Variants in SLC24A3 observed in about 807,000 individuals in gnomAD.
SLC24A3 encodes the protein sodium/potassium/calcium exchanger 3.
SLC24A3 carries 28 observed loss-of-function variants against 75.8 expected under a neutral mutation model. The ratio of observed to expected loss-of-function variants is 0.37; its 90% CI spans 0.27 to 0.51. The LOEUF (loss-of-function observed/expected upper bound fraction) is 0.51, where lower values mean the gene tolerates loss of function less well. Ranked by LOEUF, SLC24A3 falls within the 20% of genes least tolerant of loss-of-function variation. The probability of loss-of-function intolerance (pLI) is 0.94; values close to 1 mark genes in which losing one functional copy is unlikely to be tolerated. For synonymous variants in SLC24A3, 372 were observed against 334.1 expected (o/e 1.11, Z -1.24); for missense variants, 663 against 847.8 (o/e 0.78, Z 2.71).
chr20:19,375,193 G>A (rs1986061783), intron 2 of SLC24A3, among the ~76,000 whole-genome samples: 1 of 152,086 alleles, frequency 6.6e-6, no homozygotes, highest in African/African-American at 2.4e-5. Flanking sequence ...CCAGATTCCT[G>A]GGCACCAAAT....
chr20:19,627,445 G>A (rs79307933), intron 6 of SLC24A3, among the ~76,000 whole-genome samples: 7,324 of 152,132 alleles, frequency 0.048, 601 homozygotes, highest in African/African-American at 0.17. Context: ...TTAACCTAAC[G>A]TGATTCTTGA....
At chr20:19,522,839 A>G (rs1264236400) in intron 3 of SLC24A3, among the ~76,000 whole-genome samples, 1 of 151,936 alleles carries the variant, frequency 6.6e-6, no homozygotes, top group African/African-American at 2.4e-5. Flanking sequence ...ATGGGGTATA[A>G]TGTGATGTTG....
Position 19,212,707 on chromosome 20 carries a change from G to T in SLC24A3, c.-136G>T. On this transcript the variant is annotated 5_prime_UTR_variant, in exon 1 of 17. The change creates a new upstream start codon in the 5' untranslated region. Coordinates refer to ENST00000328041, the MANE Select transcript of SLC24A3 (RefSeq NM_020689.4). ...GCGAGGAGGAGGAAGAGGAGGCGGA[G>T]GCGGCGGCCGGGTGGGAGCGCAGCG... 1 of 618,522 alleles carries T rather than the reference G, an allele frequency of 1.6e-6. No individual in the cohort carries two copies. Among genetic ancestry groups the T allele is most frequent in the Non-Finnish European group, 2.0e-6 (1 of 496,186 alleles). The allele number at this position is 618,522 out of a possible 1,614,324, so 38.3% of individuals were successfully genotyped here. A position where few individuals can be genotyped will look rare whatever the true frequency, so the allele number is the denominator to read the frequency against.
chr20:19,518,634 A>T (rs2030042118), intron 3 of SLC24A3, among the ~76,000 whole-genome samples: 1 of 152,218 alleles, frequency 6.6e-6, no homozygotes, highest in Non-Finnish European at 1.5e-5. Flanking sequence ...GAGTGAGAGA[A>T]TATGAGCGTG....
rs11481303 is a variant in SLC24A3, at chr20:19,693,218, A to ATT, written c.1325-32_1325-31dup. The ATT allele has an allele frequency of 8.0e-4, 1,166 of 1,461,130 alleles. 1 individual carries two copies. The highest frequency in any genetic ancestry group is 4.0e-3 in the African/African-American group (283 of 69,892). The allele number at this position is 1,461,130 out of a possible 1,614,324, so 90.5% of individuals were successfully genotyped here. ...ATAAAGCTAACTGGGGTTCTTTGTT[A>ATT]TTTTTTTTTTATTTCTTTTTGGCCT... On this transcript the variant is annotated intron_variant, in intron 12 of 16. Transcript: ENST00000328041.
intron 15 of SLC24A3, among the ~76,000 whole-genome samples, chr20:19,699,641 A>G (rs2032849414): frequency 6.6e-6 from 1 of 152,228 alleles, no homozygotes; most frequent in African/African-American, 2.4e-5. Context: ...TTCATGGCTA[A>G]GGTTTATTAT....
intron 6 of SLC24A3, among the ~76,000 whole-genome samples, chr20:19,639,917 G>C (rs553241372): frequency 2.8e-4 from 42 of 152,366 alleles, no homozygotes; most frequent in African/African-American, 9.4e-4. Context: ...CCGGCTGGCC[G>C]GCTGCTCCGA....
chr20:19,519,525 T>C lies in SLC24A3; in HGVS notation c.348+3961T>C, dbSNP rs183412174. Among the ~76,000 whole-genome samples the C allele has an allele frequency of 3.5e-4, 53 of 152,358 alleles. No homozygotes were observed. The East Asian group carries it at 9.1e-3, about 26-fold the overall frequency. On this transcript the variant is annotated intron_variant, in intron 3 of 16. Transcript: ENST00000328041. The stretch of plus-strand genomic sequence containing the variant: ...AAAAGGTTTCTGTTCCTTCTGGCTG[T>C]TTGTCATGTATGGTTTCCTTACTAG...
At chr20:19,405,552 T>C (rs1212892467) in intron 2 of SLC24A3, among the ~76,000 whole-genome samples, 1 of 152,206 alleles carries the variant, frequency 6.6e-6, no homozygotes, top group African/African-American at 2.4e-5. Flanking sequence ...AAAGGCAGAA[T>C]AGCGACTTGG....
At chr20:19,259,793 A>G (rs1982926856) in intron 1 of SLC24A3, among the ~76,000 whole-genome samples, 1 of 152,158 alleles carries the variant, frequency 6.6e-6, no homozygotes, top group African/African-American at 2.4e-5. Flanking sequence ...GATACCCACC[A>G]CCAGGATTTC....
intron 2 of SLC24A3, among the ~76,000 whole-genome samples, chr20:19,499,059 G>A (rs531132411): frequency 2.5e-4 from 38 of 152,324 alleles, no homozygotes; most frequent in African/African-American, 8.9e-4. Context: ...CAGACAGGCA[G>A]TGAGTGTTGG....
intron 2 of SLC24A3, among the ~76,000 whole-genome samples, chr20:19,329,548 C>G (rs1298374820): frequency 6.6e-6 from 1 of 152,208 alleles, no homozygotes; most frequent in Non-Finnish European, 1.5e-5. Flanking sequence ...TGTCACATTA[C>G]TTTGGTCATT....
intron 2 of SLC24A3, among the ~76,000 whole-genome samples, chr20:19,410,758 A>G (rs1465068288): frequency 6.6e-6 from 1 of 152,234 alleles, no homozygotes; most frequent in Non-Finnish European, 1.5e-5. Context: ...CATGATTTGA[A>G]GGTATCTCAA....
chr20:19,275,913 C>T (rs1983471606), intron 1 of SLC24A3, among the ~76,000 whole-genome samples: 1 of 152,168 alleles, frequency 6.6e-6, no homozygotes, highest in African/African-American at 2.4e-5. Context: ...CCTCTTCATC[C>T]CCTACCCCTC....
At chr20:19,534,354 C>G (rs1019219809) in intron 3 of SLC24A3, among the ~76,000 whole-genome samples, 6 of 152,154 alleles carry the variant, frequency 3.9e-5, no homozygotes, top group Non-Finnish European at 4.4e-5. Context: ...TCCTCAATCT[C>G]TTTTAAGTGT....
intron 1 of SLC24A3, among the ~76,000 whole-genome samples, chr20:19,224,339 G>C (rs1047153535): frequency 2.0e-5 from 3 of 152,042 alleles, no homozygotes; most frequent in African/African-American, 7.3e-5. Context: ...AAAGTATAAC[G>C]TCAAGAATTA....
chr20:19,321,023 G>A (rs1389039318), intron 2 of SLC24A3, among the ~76,000 whole-genome samples: 2 of 152,042 alleles, frequency 1.3e-5, no homozygotes, highest in African/African-American at 4.8e-5. Context: ...GTGTCTATAT[G>A]CAGTTAGTCC....
chr20:19,458,480 T>A (rs1248852983), intron 2 of SLC24A3, among the ~76,000 whole-genome samples: 1 of 152,176 alleles, frequency 6.6e-6, no homozygotes, highest in Non-Finnish European at 1.5e-5. Flanking sequence ...AGAATCCTTT[T>A]CATCTTGCAA....
intron 2 of SLC24A3, among the ~76,000 whole-genome samples, chr20:19,337,300 C>A (rs1985157678): frequency 6.6e-6 from 1 of 152,036 alleles, no homozygotes; most frequent in African/African-American, 2.4e-5. Context: ...CAAAATTAGC[C>A]AGGTGTGGTG....
Sources: allele counts gnomAD v4.1 joint callset (sites outside exome capture counted in the v4.1 genomes callset), GRCh38; gene constraint gnomAD v4.1.1; transcripts MANE v1.5; gene names NCBI Gene and HGNC (gene_info 2026-07-23, HGNC 2026-07-21).